Variants in SNX29 observed in about 807,000 individuals in gnomAD.
The protein encoded by SNX29 is sorting nexin 29.
In SNX29, 78 loss-of-function variants were observed where a neutral mutation model predicts 102.1. The observed-to-expected ratio is 0.76, with a 90% confidence interval of 0.64 to 0.92. The LOEUF is 0.92. Ranked by LOEUF, SNX29 falls within the 40% of genes least tolerant of loss-of-function variation. The pLI is 0.00. For missense variants in SNX29, 1,280 were observed against 1,061.7 expected, an observed-to-expected ratio of 1.21 and a Z score of -2.86; for synonymous variants, 580 against 414.5, an observed-to-expected ratio of 1.40 and a Z score of -4.85.
intron 17 of SNX29, among the ~76,000 whole-genome samples, chr16:12,403,198 G>A (rs1349653697): frequency 1.2e-5 from 1 of 81,912 alleles, no homozygotes; most frequent in Admixed American, 1.1e-4. Context: ...CAGATTGTGT[G>A]TGTATGTGTG....
chr16:12,035,433 G>T (rs115594664), intron 4 of SNX29, among the ~76,000 whole-genome samples: 2 of 152,150 alleles, frequency 1.3e-5, no homozygotes, highest in Non-Finnish European at 2.9e-5. Flanking sequence ...CTTGTAGGAT[G>T]TGGGTGTATT....
At chr16:12,151,685 A>G (rs1328286092) in intron 13 of SNX29, among the ~76,000 whole-genome samples, 1 of 151,900 alleles carries the variant, frequency 6.6e-6, no homozygotes, top group Admixed American at 6.6e-5. Flanking sequence ...ATGGTTTTAC[A>G]TTTTCTCACA....
intron 18 of SNX29, among the ~76,000 whole-genome samples, chr16:12,449,183 G>A (rs2086193159): frequency 6.6e-6 from 1 of 152,086 alleles, no homozygotes; most frequent in Non-Finnish European, 1.5e-5. Context: ...GAGGAATAGT[G>A]ATAGACCTTG....
intron 19 of SNX29, among the ~76,000 whole-genome samples, chr16:12,480,070 C>T (rs1176425309): frequency 2.0e-5 from 3 of 152,184 alleles, no homozygotes; most frequent in Non-Finnish European, 4.4e-5. Context: ...CTAGGGCATA[C>T]AGTACTGTAT....
At chr16:12,562,638 C>G (rs758551372) in intron 20 of SNX29, among the ~76,000 whole-genome samples, 2 of 152,150 alleles carry the variant, frequency 1.3e-5, no homozygotes, top group South Asian at 2.1e-4. Context: ...CAGGGTCTTC[C>G]CTGAGGGGCT....
chr16:12,014,689 G>A (rs1040501676), intron 3 of SNX29, among the ~76,000 whole-genome samples: 1 of 141,718 alleles, frequency 7.1e-6, no homozygotes, highest in Non-Finnish European at 1.5e-5. Flanking sequence ...CCGAGATCAT[G>A]CCATTGTACT....
chr16:12,426,269 C>T (rs1342060531), intron 18 of SNX29, among the ~76,000 whole-genome samples: 15 of 152,138 alleles, frequency 9.9e-5, no homozygotes, highest in Admixed American at 6.5e-4. Context: ...CCTGTGCTCA[C>T]GCTGTCTCTA....
intron 14 of SNX29, among the ~76,000 whole-genome samples, chr16:12,248,867 G>C (rs8051479): frequency 0.55 from 83,497 of 151,760 alleles, 23,243 homozygotes; most frequent in East Asian, 0.6. Flanking sequence ...TAGAATCTAA[G>C]CTCCTTAAGA....
chr16:12,238,577 G>A (rs892279545), intron 14 of SNX29, among the ~76,000 whole-genome samples: 2 of 152,216 alleles, frequency 1.3e-5, no homozygotes, highest in African/African-American at 2.4e-5. Flanking sequence ...GCCCGCCTTG[G>A]CCTCCCAGAA....
intron 18 of SNX29, among the ~76,000 whole-genome samples, chr16:12,415,524 TC>T (rs2084594471): frequency 6.6e-6 from 1 of 152,208 alleles, no homozygotes; most frequent in Non-Finnish European, 1.5e-5. Context: ...AATGAATTAA[TC>T]CACCCATGAA....
rs527440012 is a variant in SNX29 at position 12,558,993 on chromosome 16, A to C, written c.2319-9513A>C. ...GGATTCAGAGACTTTAAAGAAATTT[A>C]CACAGTTATGGGGGAGAGAGACAAA... On this transcript the variant is annotated intron_variant, in intron 20 of 20. Transcript: ENST00000566228. Among the ~76,000 whole-genome samples, 102 of 152,152 alleles carry C rather than the reference A, an allele frequency of 6.7e-4. 1 individual carries two copies. In the South Asian group the frequency reaches 0.021, roughly 31 times the overall value.
intron 14 of SNX29, among the ~76,000 whole-genome samples, chr16:12,258,920 T>G (rs1017713629): frequency 6.6e-6 from 1 of 152,154 alleles, no homozygotes; most frequent in African/African-American, 2.4e-5. Flanking sequence ...GGAGGACTTG[T>G]GTCTTGTGTC....
intron 15 of SNX29, among the ~76,000 whole-genome samples, chr16:12,344,782 A>G (rs1381108845): frequency 6.6e-6 from 1 of 152,068 alleles, no homozygotes; most frequent in Non-Finnish European, 1.5e-5. Context: ...TGTGCTGGGG[A>G]GGAGAGGAGG....
intron 1 of SNX29, among the ~76,000 whole-genome samples, chr16:11,998,916 A>G (rs546439640): frequency 6.6e-6 from 1 of 152,312 alleles, no homozygotes; most frequent in South Asian, 2.1e-4. Flanking sequence ...CTGGTTGACA[A>G]CTGGGGGCAG....
intron 20 of SNX29, among the ~76,000 whole-genome samples, chr16:12,566,414 A>C (rs1372393281): frequency 1.6e-5 from 1 of 62,542 alleles, no homozygotes; most frequent in Non-Finnish European, 3.2e-5. Context: ...AGAGCCTGTT[A>C]CCTCCAGGGC....
intron 15 of SNX29, among the ~76,000 whole-genome samples, chr16:12,322,657 T>C (rs543988591): frequency 1.3e-5 from 2 of 152,112 alleles, no homozygotes; most frequent in Non-Finnish European, 2.9e-5. Context: ...TCTATTAGGA[T>C]GCAGTCACTG....
intron 20 of SNX29, among the ~76,000 whole-genome samples, chr16:12,567,987 C>T (rs9302470): frequency 0.85 from 128,485 of 152,032 alleles, 54,511 homozygotes; most frequent in African/African-American, 0.9. Context: ...TCCACTGTTC[C>T]TGGCTCTTAA....
intron 20 of SNX29, among the ~76,000 whole-genome samples, chr16:12,550,363 C>A (rs2077893769): frequency 6.6e-6 from 1 of 151,996 alleles, no homozygotes; most frequent in Non-Finnish European, 1.5e-5. Context: ...GAGGAAAACC[C>A]ATCTCTACTA....
chr16:12,048,530 GA>G lies in SNX29; in HGVS notation c.659del (p.Glu220GlyfsTer44). ...GCAAGGAGTGAGCAGCCTGTTCAGG[GA>G]GATCACAGCCTCCTCTGCCGTCTCC... ...STQGVSSLFR[E>X]ITASSAVSIL... On this transcript the variant is annotated frameshift_variant, in exon 7 of 21. Coordinates refer to ENST00000566228, the MANE Select transcript of SNX29 (RefSeq NM_032167.5). LOFTEE classifies it high-confidence loss of function. 6.2e-7 allele frequency: 1 copy of G among 1,613,924 alleles called. No individual in the cohort carries two copies. The highest frequency in any genetic ancestry group is 8.5e-7 in the Non-Finnish European group (1 of 1,179,850).
Sources: gnomAD v4.1 joint callset for allele counts (sites outside exome capture counted in the v4.1 genomes callset) on GRCh38, gnomAD v4.1.1 for gene constraint, MANE v1.5 for transcripts, NCBI Gene and HGNC (gene_info 2026-07-23, HGNC 2026-07-21) for gene names.